The following MYT1L variants were observed in gnomAD, a reference collection of about 807,000 sequenced individuals.
MYT1L encodes myelin transcription factor 1 like.
In MYT1L, 12 loss-of-function variants were observed where a neutral mutation model predicts 126.7. The observed-to-expected ratio is 0.09, with a 90% CI of 0.06 to 0.15. The LOEUF (loss-of-function observed/expected upper bound fraction) is 0.15, where lower values mean the gene tolerates loss of function less well. MYT1L is among the 10% of genes least tolerant of loss of function. The pLI is 1.00. For missense variants in MYT1L, 979 were observed against 1,585.2 expected (o/e 0.62, Z 6.49); for synonymous variants, 541 against 604.2 (o/e 0.90, Z 1.53).
intron 8 of MYT1L, among the ~76,000 whole-genome samples, chr2:1,952,480 C>T (rs1558514586): frequency 6.6e-6 from 1 of 151,972 alleles, no homozygotes; most frequent in Non-Finnish European, 1.5e-5. Flanking sequence ...CTCGCATGCA[C>T]GTTTTCCAAA....
chr2:2,029,175 T>C (rs2065952050), intron 4 of MYT1L, among the ~76,000 whole-genome samples: 1 of 152,074 alleles, frequency 6.6e-6, no homozygotes, highest in Non-Finnish European at 1.5e-5. Flanking sequence ...ACAAGGCAAA[T>C]ATTTGGGCTA....
rs2042853359 is a variant in MYT1L, at chr2:1,848,906, T to C, written c.2774+2735A>G. 6.6e-6 allele frequency among the ~76,000 whole-genome samples: 1 copy of C among 152,186 alleles called. No individual in the cohort carries two copies. The highest frequency in any genetic ancestry group is 2.4e-5 in the African/African-American group (1 of 41,454). ...ACGTCACAAGGTGCTCCACCTTCAG[T>C]ACGCTAAAACCCCGAGAGGGCTCTG... On this transcript the variant is annotated intron_variant, in intron 19 of 24. Coordinates refer to ENST00000647738, the MANE Select transcript of MYT1L (RefSeq NM_001303052.2). The surrounding 1 kb of genome is among the most constrained non-coding windows in gnomAD (Gnocchi z 4.8).
intron 18 of MYT1L, among the ~76,000 whole-genome samples, chr2:1,861,669 G>A (rs113405019): frequency 2.7e-4 from 4 of 14,636 alleles, no homozygotes; most frequent in Admixed American, 1.8e-3. Context: ...CTGTGTAATC[G>A]TGGATCCTCC....
chr2:2,131,086 G>C (rs2082301796), intron 3 of MYT1L, among the ~76,000 whole-genome samples: 1 of 152,138 alleles, frequency 6.6e-6, no homozygotes, highest in Admixed American at 6.5e-5. Flanking sequence ...AGACGGGATG[G>C]TCTTCAACAG....
intron 2 of MYT1L, among the ~76,000 whole-genome samples, chr2:2,270,995 G>A (rs1005649787): frequency 6.6e-6 from 1 of 152,326 alleles, no homozygotes; most frequent in Non-Finnish European, 1.5e-5. Flanking sequence ...ATGTGGTTGC[G>A]TGTTCTTCGC....
In MYT1L at chr2:1,801,041, G is replaced by A. The variant is rs529126616; in HGVS notation, c.3276+655C>T. ...CAAGGTGGGGGATGCCAGGCACAAG[G>A]CTCATGGTCAGACAGGGTCCAGCCT... On this transcript the variant is annotated intron_variant, in intron 23 of 24. Transcript: ENST00000647738. This position sits in a 1 kb window ranked among gnomAD's most constrained non-coding sequence, Gnocchi z 4.2. Among the ~76,000 whole-genome samples the A allele has an allele frequency of 1.3e-5, 2 of 152,310 alleles. No homozygotes were observed. The highest frequency in any genetic ancestry group is 4.8e-5 in the African/African-American group (2 of 41,572).
intron 20 of MYT1L, 93 bp downstream of exon 20, chr2:1,840,667 T>C: frequency 2.2e-6 from 2 of 929,548 alleles, no homozygotes; most frequent in Non-Finnish European, 1.7e-6. Flanking sequence ...ACCCGCTGTC[T>C]CTTTTTCTTG....
intron 2 of MYT1L, among the ~76,000 whole-genome samples, chr2:2,269,269 C>T (rs970103250): frequency 2.0e-5 from 3 of 152,198 alleles, no homozygotes; most frequent in African/African-American, 4.8e-5. Flanking sequence ...GTATTGAGAT[C>T]AAATTGTTAC....
chr2:1,933,947 A>G (rs1417530555), intron 9 of MYT1L, among the ~76,000 whole-genome samples: 1 of 149,592 alleles, frequency 6.7e-6, no homozygotes, highest in Non-Finnish European at 1.5e-5. Context: ...GGAAGTTCAG[A>G]GGGAGCTGGG....
At chr2:2,241,095 T>C (rs529627275) in intron 2 of MYT1L, among the ~76,000 whole-genome samples, 8 of 152,310 alleles carry the variant, frequency 5.3e-5, no homozygotes, top group African/African-American at 1.9e-4. Flanking sequence ...TTGGATGCTG[T>C]AATGGTACCA....
At chr2:1,946,694 A>G (rs1372141945) in intron 8 of MYT1L, among the ~76,000 whole-genome samples, 1 of 152,250 alleles carries the variant, frequency 6.6e-6, no homozygotes, top group Non-Finnish European at 1.5e-5. Context: ...AAAAAAATTC[A>G]TCTATAGTCT....
chr2:2,068,794 T>G lies in MYT1L; in HGVS notation c.-303-14671A>C, dbSNP rs1416610713. ...GTTTTTTTTTTTTTTTTTTTTTTTT[T>G]TTTTCATATGTATAAGTTCAAGTAT... On this transcript the variant is annotated intron_variant, in intron 3 of 24. Transcript: ENST00000647738. Among the ~76,000 whole-genome samples, 129 of 145,182 alleles carry G rather than the reference T, an allele frequency of 8.9e-4. 1 individual carries two copies. Among genetic ancestry groups the G allele is most frequent in the African/African-American group, 3.1e-3 (123 of 39,756 alleles).
chr2:2,082,124 AG>A (rs1164353355), intron 3 of MYT1L, among the ~76,000 whole-genome samples: 1 of 151,720 alleles, frequency 6.6e-6, no homozygotes, highest in Non-Finnish European at 1.5e-5. Flanking sequence ...GGCTGTTGAA[AG>A]GATCTACCAC....
At chr2:2,125,801 T>C (rs548910879) in intron 3 of MYT1L, among the ~76,000 whole-genome samples, 4 of 152,174 alleles carry the variant, frequency 2.6e-5, no homozygotes, top group African/African-American at 9.7e-5. Flanking sequence ...ACCATTAATA[T>C]CATCAACCTA....
intron 2 of MYT1L, among the ~76,000 whole-genome samples, chr2:2,268,276 CA>C (rs1260030114): frequency 1.3e-5 from 2 of 152,050 alleles, no homozygotes; most frequent in East Asian, 3.9e-4. Flanking sequence ...CTCTATAATA[CA>C]GAAATTTACT....
At chr2:2,057,316 C>T (rs1002136306) in intron 3 of MYT1L, among the ~76,000 whole-genome samples, 10 of 151,434 alleles carry the variant, frequency 6.6e-5, no homozygotes, top group Non-Finnish European at 1.5e-4. Context: ...TTCATCACCA[C>T]GCCCACTCCC....
intron 5 of MYT1L, among the ~76,000 whole-genome samples, chr2:1,990,027 T>C (rs1236845853): frequency 6.6e-6 from 1 of 152,140 alleles, no homozygotes; most frequent in Non-Finnish European, 1.5e-5. Context: ...CAAAAACCAC[T>C]TAGACTAAGG....
At chr2:2,276,810 TATCA>T (rs1174914626) in intron 2 of MYT1L, among the ~76,000 whole-genome samples, 4 of 152,058 alleles carry the variant, frequency 2.6e-5, no homozygotes, top group African/African-American at 9.7e-5. Flanking sequence ...CTTGCCTCCA[TATCA>T]GATGCTGGAG....
intron 8 of MYT1L, among the ~76,000 whole-genome samples, chr2:1,954,028 A>G (rs1270035408): frequency 1.3e-5 from 2 of 152,188 alleles, no homozygotes; most frequent in East Asian, 3.9e-4. Flanking sequence ...CAAGCTAGTG[A>G]GTGGGACTCT....
Sources: gnomAD v4.1 joint callset for allele counts (sites outside exome capture counted in the v4.1 genomes callset) on GRCh38, gnomAD v4.1.1 for gene constraint, Gnocchi (gnomAD v3.1) non-coding constraint, MANE v1.5 for transcripts, NCBI Gene and HGNC (gene_info 2026-07-23, HGNC 2026-07-21) for gene names.